The following SUN2 variants were observed in gnomAD, a reference collection of about 807,000 sequenced individuals.
SUN2 encodes the protein SUN domain-containing protein 2.
In SUN2, 60 loss-of-function variants were observed where a neutral mutation model predicts 100.0. The observed-to-expected ratio is 0.60, with a 90% confidence interval of 0.49 to 0.74. SUN2 has a LOEUF of 0.74. Ranked by LOEUF, SUN2 falls within the 30% of genes least tolerant of loss-of-function variation. The pLI is 0.00. For missense variants in SUN2, 834 were observed against 954.6 expected (o/e 0.87, Z 1.66); for synonymous variants, 367 against 403.3 (o/e 0.91, Z 1.08).
At position 38,740,701 on chromosome 22, in the gene SUN2, A is replaced by G; in HGVS notation, c.1191-269T>C. The G allele has an allele frequency of 3.5e-6, 2 of 579,016 alleles. No homozygotes were observed. Among genetic ancestry groups the G allele is most frequent in the East Asian group, 5.7e-5 (2 of 35,368 alleles). 35.9% of individuals were successfully genotyped at this position (579,016 alleles called of 1,614,324 possible). On this transcript the variant is annotated intron_variant, in intron 11 of 17. Transcript: ENST00000689035. This position sits in a 1 kb window ranked among gnomAD's most constrained non-coding sequence, Gnocchi z 4.8. ...TCAGCCTCTCACATCCTCCACAAGCATGGACATCTGGGGCATGAGAAGGCA... is the reference window on the plus strand; with the variant it reads ...TCAGCCTCTCACATCCTCCACAAGCGTGGACATCTGGGGCATGAGAAGGCA...
Position 38,740,776 on chromosome 22 carries a change from T to C in SUN2, c.1190+231A>G, listed in dbSNP as rs2092849779. Reference sequence around the variant, plus strand: ...TGCTGTGTCTATAAATGAATCCCGGTCCTCTCACACAGCCTGCCCCCCGCC... The same window carrying C: ...TGCTGTGTCTATAAATGAATCCCGGCCCTCTCACACAGCCTGCCCCCCGCC... On this transcript the variant is annotated intron_variant, in intron 11 of 17. Transcript: ENST00000689035. The surrounding 1 kb of genome is among the most constrained non-coding windows in gnomAD (Gnocchi z 4.8). The C allele has an allele frequency of 5.0e-6, 3 of 599,032 alleles. No individual in the cohort carries two copies. The highest frequency in any genetic ancestry group is 8.9e-6 in the Non-Finnish European group (3 of 336,646). The allele number at this position is 599,032 out of a possible 1,614,324, so 37.1% of individuals were successfully genotyped here.
chr22:38,751,338 A>G lies in SUN2; in HGVS notation c.158T>C (p.Leu53Pro). 6.2e-7 allele frequency: 1 copy of G among 1,614,006 alleles called. No homozygotes were observed. ...LKRKSSNMKRLSPAPQLGPSS... is the reference protein window; with the variant it reads ...LKRKSSNMKRPSPAPQLGPSS... ...CGGGCCCAGCTGTGGCGCTGGGGAC[A>G]GGCGCTTCATGTTGCTGGATTTCCT... Residue 53 changes from leucine to proline, a missense_variant, in exon 3 of 18, where the codon CTG becomes CCG. Coordinates refer to ENST00000689035, the MANE Select transcript of SUN2 (RefSeq NM_015374.3).
In SUN2 at chr22:38,737,862, G is replaced by C; in HGVS notation, c.2040+311C>G. The C allele has an allele frequency of 1.8e-6, 1 of 569,560 alleles. No individual in the cohort carries two copies. The highest frequency in any genetic ancestry group is 1.5e-5 in the South Asian group (1 of 65,290). The allele number at this position is 569,560 out of a possible 1,614,324, so 35.3% of individuals were successfully genotyped here. On this transcript the variant is annotated intron_variant, in intron 17 of 17. Transcript: ENST00000689035. The surrounding 1 kb of genome is among the most constrained non-coding windows in gnomAD (Gnocchi z 4.1). ...TGCCCGCGCCCTGGCATGTGCTGGCGGCGGCTCCTCGAACGCCTCTCCCGG... is the reference window on the plus strand; with the variant it reads ...TGCCCGCGCCCTGGCATGTGCTGGCCGCGGCTCCTCGAACGCCTCTCCCGG...
chr22:38,754,760 C>A, intron 1 of SUN2: 1 of 1,286,598 alleles, frequency 7.8e-7, no homozygotes, highest in African/African-American at 1.5e-5. Context: ...CAAGCTGCCG[C>A]TGGGAAGAAC....
chr22:38,746,345 G>A (rs886138939), intron 7 of SUN2, among the ~76,000 whole-genome samples: 3 of 152,142 alleles, frequency 2.0e-5, no homozygotes, highest in Non-Finnish European at 2.9e-5. Flanking sequence ...GCCCAGACAC[G>A]AGCACCAAGC....
At chr22:38,750,346 A>G in intron 4 of SUN2, 26 bp from the exon 5 acceptor site, 1 of 1,613,208 alleles carries the variant, frequency 6.2e-7, no homozygotes. Context: ...ACACTGGCTC[A>G]GTCTCTGTCA....
chr22:38,740,709 C>G lies in SUN2; in HGVS notation c.1191-277G>C, dbSNP rs924305791. On this transcript the variant is annotated intron_variant, in intron 11 of 17. Coordinates refer to ENST00000689035, the MANE Select transcript of SUN2 (RefSeq NM_015374.3). This position sits in a 1 kb window ranked among gnomAD's most constrained non-coding sequence, Gnocchi z 4.8. ...TCACATCCTCCACAAGCATGGACAT[C>G]TGGGGCATGAGAAGGCAGTTATGTG... The G allele has an allele frequency of 2.2e-5, 13 of 584,314 alleles. No homozygotes were observed. Among genetic ancestry groups the G allele is most frequent in the Non-Finnish European group, 3.4e-5 (11 of 328,048 alleles). The allele number at this position is 584,314 out of a possible 1,614,324, so 36.2% of individuals were successfully genotyped here.
intron 2 of SUN2, 37 bp from the exon 3 acceptor site, chr22:38,751,410 G>C: frequency 1.2e-6 from 2 of 1,608,394 alleles, no homozygotes; most frequent in Non-Finnish European, 1.7e-6. Flanking sequence ...TAGGGAGCAG[G>C]GAGGTGAGCC....
In SUN2 at chr22:38,735,450, C is replaced by G. The variant is rs2092795654; in HGVS notation, c.*817G>C. 6.5e-6 allele frequency: 2 copies of G among 308,490 alleles called. No homozygotes were observed. Among genetic ancestry groups the G allele is most frequent in the Admixed American group, 4.6e-5 (1 of 21,834 alleles). The allele number at this position is 308,490 out of a possible 1,614,324, so 19.1% of individuals were successfully genotyped here. ...TGGCCCCAAAGACAGGTCTAGGTCT[C>G]CATACCCTGGGAGAATGTGGAAAGC... On this transcript the variant is annotated 3_prime_UTR_variant, in exon 18 of 18. Coordinates refer to ENST00000689035, the MANE Select transcript of SUN2 (RefSeq NM_015374.3).
At chr22:38,753,743 T>C (rs971555621) in intron 1 of SUN2, among the ~76,000 whole-genome samples, 6 of 152,132 alleles carry the variant, frequency 3.9e-5, no homozygotes, top group African/African-American at 1.2e-4. Flanking sequence ...ATTACTCCCA[T>C]CTACAAGGGA....
At position 38,738,278 on chromosome 22, in the gene SUN2, C is replaced by T. The variant is rs768318554; in HGVS notation, c.1948-13G>A. 32 of 1,610,276 alleles carry T rather than the reference C, an allele frequency of 2.0e-5. No homozygotes were observed. The East Asian group carries it at 2.7e-4, about 13-fold the overall frequency. On this transcript the variant is annotated splice_polypyrimidine_tract_variant and intron_variant, in intron 16 of 17. Coordinates refer to ENST00000689035, the MANE Select transcript of SUN2 (RefSeq NM_015374.3). The surrounding 1 kb of genome is among the most constrained non-coding windows in gnomAD (Gnocchi z 6.6). ...CTTCGTCAAACCCCTGCAAAGAGAG[C>T]GGAGGGAAGTGGGGAGGGGCTGGAG...
chr22:38,738,929 T>C lies in SUN2; in HGVS notation c.1723A>G (p.Ser575Gly), dbSNP rs1569295140. ...ETYETKTALL[S>G]LFGIPLWYHS... is the part of the protein sequence containing the mutation. ...TACCACAGGGGGATGCCGAAGAGGC[T>C]GAGGAGGGCCGTCTTGGTCTCGTAG... is the stretch of plus-strand genomic sequence containing the variant. Residue 575 changes from serine (S) to glycine (G), a missense_variant, in exon 15 of 18, where the codon AGC becomes GGC. Transcript: ENST00000689035. This position sits in a 1 kb window ranked among gnomAD's most constrained non-coding sequence, Gnocchi z 6.6. 2.5e-6 allele frequency: 4 copies of C among 1,613,394 alleles called. No homozygotes were observed. The highest frequency in any genetic ancestry group is 2.5e-6 in the Non-Finnish European group (3 of 1,179,692).
At chr22:38,746,229 C>T (rs2092902356) in intron 7 of SUN2, among the ~76,000 whole-genome samples, 1 of 152,114 alleles carries the variant, frequency 6.6e-6, no homozygotes. Context: ...GGGTGGGGCC[C>T]CTGCGTAGGT....
Position 38,752,657 on chromosome 22 carries a change from G to T in SUN2, c.-29C>A. 6.2e-7 allele frequency: 1 copy of T among 1,611,224 alleles called. No individual in the cohort carries two copies. Among genetic ancestry groups the T allele is most frequent in the East Asian group, 2.2e-5 (1 of 44,858 alleles). On this transcript the variant is annotated 5_prime_UTR_variant, in exon 2 of 18. Coordinates refer to ENST00000689035, the MANE Select transcript of SUN2 (RefSeq NM_015374.3). ...GAGGTGGGATGTGGACTCTTCCCCT[G>T]AAGAGAATCTAAGGAGAGAGAGGAG...
intron 7 of SUN2, 76 bp downstream of exon 7, chr22:38,748,637 C>G (rs2092921621): frequency 3.8e-6 from 6 of 1,563,638 alleles, no homozygotes; most frequent in Non-Finnish European, 4.4e-6. Flanking sequence ...CTTGCCCCTT[C>G]CCTGCCTGCC....
chr22:38,737,719 C>A lies in SUN2; in HGVS notation c.2040+454G>T. On this transcript the variant is annotated intron_variant, in intron 17 of 17. Transcript: ENST00000689035. The surrounding 1 kb of genome is among the most constrained non-coding windows in gnomAD (Gnocchi z 4.1). ...CCTGGGTCCTGTCAGCCCTAAGGAA[C>A]CAGACTCTCCTGGGGTGGAGACTGG... is the stretch of plus-strand genomic sequence containing the variant. 2.8e-6 allele frequency: 1 copy of A among 362,176 alleles called. No homozygotes were observed. The highest frequency in any genetic ancestry group is 2.1e-5 in the South Asian group (1 of 48,640). The allele number at this position is 362,176 out of a possible 1,614,324, so 22.4% of individuals were successfully genotyped here. A position where few individuals can be genotyped will look rare whatever the true frequency, so the allele number is the denominator to read the frequency against.
rs754499171 is a variant in SUN2, at chr22:38,738,703, C to T, written c.1831G>A (p.Ala611Thr). 9.3e-6 allele frequency: 15 copies of T among 1,613,550 alleles called. No individual in the cohort carries two copies. Among genetic ancestry groups the T allele is most frequent in the African/African-American group, 2.7e-5 (2 of 74,918 alleles). ...ATGCGGGCAGAGAGGCGGACCACGGCGAAGCCTTGTGGCCCCTGGAAGGCC... is the reference window on the plus strand; with the variant it reads ...ATGCGGGCAGAGAGGCGGACCACGGTGAAGCCTTGTGGCCCCTGGAAGGCC... The part of the protein sequence containing the change: ...CWAFQGPQGF[A>T]VVRLSARIRP... Residue 611 changes from alanine (A) to threonine (T), a missense_variant, in exon 16 of 18, where the codon GCC (alanine) becomes ACC (threonine). Physicochemically the swap from Ala to Thr is moderately conservative, Grantham distance 58. Around this residue, in one of 3 missense-constraint regions of SUN2, gnomAD observed 195 missense variants for 280.2 expected, o/e 0.70. Transcript: ENST00000689035. This position sits in a 1 kb window ranked among gnomAD's most constrained non-coding sequence, Gnocchi z 6.6.
In SUN2 at chr22:38,735,368, A is replaced by G. The variant is rs956270603; in HGVS notation, c.*899T>C. 3 of 385,518 alleles carry G rather than the reference A, an allele frequency of 7.8e-6. No individual in the cohort carries two copies. The highest frequency in any genetic ancestry group is 7.5e-5 in the East Asian group (1 of 13,354). 23.9% of individuals were successfully genotyped at this position (385,518 alleles called of 1,614,324 possible). A position where few individuals can be genotyped will look rare whatever the true frequency, so the allele number is the denominator to read the frequency against. On this transcript the variant is annotated 3_prime_UTR_variant, in exon 18 of 18. Transcript: ENST00000689035. ...GCACCCCGATACCCTGAACGTCCCC[A>G]CAAGAGCCCAGGAGTTCCATGCTCC... is the stretch of plus-strand genomic sequence containing the variant.
rs2092858095 is a variant in SUN2, at chr22:38,741,559, C to A, written c.1081G>T (p.Ala361Ser). 1 of 1,614,056 alleles carries A rather than the reference C, an allele frequency of 6.2e-7. No individual in the cohort carries two copies. The highest frequency in any genetic ancestry group is 8.5e-7 in the Non-Finnish European group (1 of 1,180,022). The change falls in exon 10 of 18, where the codon GCC becomes TCC. Residue 361 changes from alanine (A) to serine (S), a missense_variant. Transcript: ENST00000689035. ...TAARIQEELS[A>S]LRAEHQQDSE... is the part of the protein sequence containing the mutation. ...TCTTGCTGATGCTCTGCTCTCAGGG[C>A]AGACAGTTCTTCCTGTGAGACGGGA...
Sources: allele counts gnomAD v4.1 joint callset (sites outside exome capture counted in the v4.1 genomes callset), GRCh38; gene constraint gnomAD v4.1.1; regional missense constraint gnomAD v4.1.1; non-coding constraint Gnocchi (gnomAD v3.1); transcripts MANE v1.5; gene names NCBI Gene and HGNC (gene_info 2026-07-23, HGNC 2026-07-21).